Variants in PRKCA observed in about 807,000 individuals in gnomAD.
PRKCA encodes the protein protein kinase C alpha.
A neutral mutation model predicts 87.0 loss-of-function variants in PRKCA; 27 were observed. That is an observed-to-expected ratio of 0.31 (90% CI 0.23 to 0.43). The LOEUF (loss-of-function observed/expected upper bound fraction) is 0.43, where lower values mean the gene tolerates loss of function less well. Among genes scored for constraint, PRKCA ranks in the 20% least tolerant of loss-of-function variants. PRKCA has a pLI of 1.00. For synonymous variants in PRKCA, 329 were observed against 311.1 expected (o/e 1.06, Z -0.61); for missense variants, 518 against 852.3 (o/e 0.61, Z 4.88).
At chr17:66,781,442 G>A (rs1215395097) in intron 14 of PRKCA, among the ~76,000 whole-genome samples, 3 of 152,184 alleles carry the variant, frequency 2.0e-5, no homozygotes, top group Non-Finnish European at 4.4e-5. Flanking sequence ...GACCCTCAAC[G>A]TACAGGTAGC....
intron 2 of PRKCA, among the ~76,000 whole-genome samples, chr17:66,474,458 G>A (rs930154960): frequency 2.0e-5 from 3 of 152,162 alleles, no homozygotes; most frequent in African/African-American, 7.2e-5. Flanking sequence ...AATTGGAAAA[G>A]CACACTTTTA....
intron 3 of PRKCA, among the ~76,000 whole-genome samples, chr17:66,500,127 G>A (rs149235852): frequency 9.9e-5 from 15 of 152,254 alleles, no homozygotes; most frequent in Middle Eastern, 3.4e-3. Context: ...TGTCATGTGA[G>A]TACACAGCAA....
At chr17:66,731,714 C>G (rs927080279) in intron 8 of PRKCA, among the ~76,000 whole-genome samples, 1 of 151,516 alleles carries the variant, frequency 6.6e-6, no homozygotes, top group African/African-American at 2.4e-5. Flanking sequence ...CCTCTGGTAG[C>G]TCGCCCACCA....
rs548479392 is a variant in PRKCA at position 66,510,322 on chromosome 17, G to A, written c.288+14039G>A. On this transcript the variant is annotated intron_variant, in intron 3 of 16. Transcript: ENST00000413366. ...GTTGAGGGACTCTTCAGTGCTTGAA[G>A]TTTAAGCCTAACGAAATTATGCAAG... Among the ~76,000 whole-genome samples, 9 of 152,316 alleles carry A rather than the reference G, an allele frequency of 5.9e-5. No homozygotes were observed. The South Asian group carries it at 1.9e-3, about 32-fold the overall frequency.
rs569035271 is a variant in PRKCA at position 66,436,012 on chromosome 17, G to A, written c.206-60189G>A. Among the ~76,000 whole-genome samples, 59 of 152,314 alleles carry A rather than the reference G, an allele frequency of 3.9e-4. 1 individual carries two copies. In the South Asian group the frequency reaches 0.012, roughly 30 times the overall value. ...AAGAGGAAACCACTGCAGCTTCTGA[G>A]TGGATCCATGGTGCAAATGGGTGGA... On this transcript the variant is annotated intron_variant, in intron 2 of 16. Transcript: ENST00000413366.
chr17:66,791,471 C>A (rs928849726), intron 16 of PRKCA, among the ~76,000 whole-genome samples: 2 of 152,196 alleles, frequency 1.3e-5, no homozygotes, highest in African/African-American at 4.8e-5. Context: ...CACGTGGCTG[C>A]AGGGAGACCC....
chr17:66,631,969 T>C (rs1226746487), intron 3 of PRKCA, among the ~76,000 whole-genome samples: 1 of 152,200 alleles, frequency 6.6e-6, no homozygotes, highest in Non-Finnish European at 1.5e-5. Context: ...AGCTTTTCAT[T>C]AAGAGTTGTA....
intron 3 of PRKCA, among the ~76,000 whole-genome samples, chr17:66,530,701 T>C (rs1301221366): frequency 6.6e-6 from 1 of 152,144 alleles, no homozygotes; most frequent in Non-Finnish European, 1.5e-5. Context: ...ACTGACCTAC[T>C]TGAAGGCATT....
chr17:66,637,516 T>G (rs533661148), intron 3 of PRKCA, among the ~76,000 whole-genome samples: 86 of 152,282 alleles, frequency 5.6e-4, no homozygotes, highest in Non-Finnish European at 9.9e-4. Context: ...AAGGCCATAC[T>G]TCAGACCGTG....
At chr17:66,458,262 A>G (rs1914663003) in intron 2 of PRKCA, among the ~76,000 whole-genome samples, 2 of 152,188 alleles carry the variant, frequency 1.3e-5, no homozygotes, top group Admixed American at 6.5e-5. Flanking sequence ...TGTAGTTGCT[A>G]TGTCAATTAA....
Position 66,385,668 on chromosome 17 carries a change from C to T in PRKCA, c.205+79541C>T, listed in dbSNP as rs371718036. 4.1e-4 allele frequency among the ~76,000 whole-genome samples: 63 copies of T among 152,292 alleles called. No individual in the cohort carries two copies. The East Asian group carries it at 8.7e-3, about 21-fold the overall frequency. ...CTTGAGCCCAGGAGTTTTAGGCCAG[C>T]CTGGCCAACACAGCGAGACTCTTCC... On this transcript the variant is annotated intron_variant, in intron 2 of 16. Transcript: ENST00000413366.
At chr17:66,715,444 C>T (rs897556355) in intron 8 of PRKCA, among the ~76,000 whole-genome samples, 1 of 152,204 alleles carries the variant, frequency 6.6e-6, no homozygotes, top group African/African-American at 2.4e-5. Flanking sequence ...GTGGCTCCCT[C>T]GGACCACTCC....
intron 3 of PRKCA, among the ~76,000 whole-genome samples, chr17:66,607,788 T>G (rs1448264415): frequency 6.6e-6 from 1 of 152,178 alleles, no homozygotes; most frequent in Non-Finnish European, 1.5e-5. Flanking sequence ...TTGAGATGCC[T>G]GTAGGATCAA....
At chr17:66,534,397 G>A (rs937456315) in intron 3 of PRKCA, among the ~76,000 whole-genome samples, 1 of 152,142 alleles carries the variant, frequency 6.6e-6, no homozygotes, top group Non-Finnish European at 1.5e-5. Context: ...GCTGGGTGTG[G>A]TAGCACAAGC....
chr17:66,619,834 T>C (rs1421866571), intron 3 of PRKCA, among the ~76,000 whole-genome samples: 1 of 152,234 alleles, frequency 6.6e-6, no homozygotes, highest in Non-Finnish European at 1.5e-5. Context: ...GCCTGTGTCA[T>C]GTCCAGAAGA....
intron 2 of PRKCA, among the ~76,000 whole-genome samples, chr17:66,424,585 A>ACACT (rs1266935544): frequency 6.6e-6 from 1 of 151,606 alleles, no homozygotes; most frequent in Non-Finnish European, 1.5e-5. Context: ...ACACACACAC[A>ACACT]CACACACACA....
At chr17:66,447,358 A>C (rs1914085562) in intron 2 of PRKCA, among the ~76,000 whole-genome samples, 1 of 152,060 alleles carries the variant, frequency 6.6e-6, no homozygotes. Context: ...ATGCCAGGCG[A>C]GTTCTGAGCC....
chr17:66,565,431 C>A (rs1968859501), intron 3 of PRKCA, among the ~76,000 whole-genome samples: 1 of 152,186 alleles, frequency 6.6e-6, no homozygotes, highest in African/African-American at 2.4e-5. Context: ...TCTAAGGCAC[C>A]CACCTAGCCT....
At chr17:66,378,453 A>C (rs12946264) in intron 2 of PRKCA, among the ~76,000 whole-genome samples, 77,214 of 152,042 alleles carry the variant, frequency 0.51, 21,810 homozygotes, top group Non-Finnish European at 0.64. Context: ...AATGACTATT[A>C]ATACCATCTA....
Sources: allele counts gnomAD v4.1 joint callset (sites outside exome capture counted in the v4.1 genomes callset), GRCh38; gene constraint gnomAD v4.1.1; transcripts MANE v1.5; gene names NCBI Gene and HGNC (gene_info 2026-07-23, HGNC 2026-07-21).